Variants in FKBP6 observed in about 807,000 individuals in gnomAD.
FKBP6 encodes the protein FKBP prolyl isomerase family member 6 (inactive), also known as inactive peptidyl-prolyl cis-trans isomerase FKBP6.
FKBP6 carries 29 observed loss-of-function variants against 41.7 expected under a neutral mutation model. The ratio of observed to expected loss-of-function variants is 0.70; its 90% CI spans 0.52 to 0.95. FKBP6 has a LOEUF of 0.95. Among genes scored for constraint, FKBP6 ranks in the 40% least tolerant of loss-of-function variants. The pLI is 0.00. For synonymous variants in FKBP6, 130 were observed against 165.1 expected (o/e 0.79, Z 1.63); for missense variants, 338 against 408.7 (o/e 0.83, Z 1.49).
At chr7:73,341,073 G>A (rs969481021) in intron 6 of FKBP6, among the ~76,000 whole-genome samples, 200 bp from the exon 7 acceptor site, 4 of 151,916 alleles carry the variant, frequency 2.6e-5, no homozygotes, top group Admixed American at 2.6e-4. Flanking sequence ...ACAGGCATGC[G>A]CCATCACACC....
intron 5 of FKBP6, among the ~76,000 whole-genome samples, chr7:73,338,143 A>T (rs1805065137): frequency 6.6e-6 from 1 of 152,164 alleles, no homozygotes; most frequent in Non-Finnish European, 1.5e-5. Context: ...CTCCTGCCTC[A>T]GCCTCCCAAG....
chr7:73,341,332 G>C lies in FKBP6; in HGVS notation c.843G>C (p.Lys281Asn). The C allele has an allele frequency of 6.2e-7, 1 of 1,613,790 alleles. No individual in the cohort carries two copies. The highest frequency in any genetic ancestry group is 8.5e-7 in the Non-Finnish European group (1 of 1,179,688). Residue 281 changes from lysine to asparagine, a missense_variant, in exon 7 of 9, where the codon AAG becomes AAC. Lys to Asn is a moderately conservative substitution (Grantham distance 94, BLOSUM62 0). Transcript: ENST00000252037. ...GGGATTTTCTAGTTCGAGCCCAGAA[G>C]GAGCAACCCTTCAATCATGACATCA... ...KARDFLVRAQ[K>N]EQPFNHDINN...
chr7:73,334,173 T>C lies in FKBP6; in HGVS notation c.588+2397T>C, dbSNP rs533825706. Among the ~76,000 whole-genome samples the C allele has an allele frequency of 2.2e-4, 34 of 152,324 alleles. No homozygotes were observed. The South Asian group carries it at 6.6e-3, about 30-fold the overall frequency. On this transcript the variant is annotated intron_variant, in intron 5 of 8. Transcript: ENST00000252037. ...TTTATTCCTTTCTACGTGACCTGTT[T>C]TTTCTTCTGTAGAGACGAAGATCGT...
At position 73,328,835 on chromosome 7, in the gene FKBP6, G is replaced by A. The variant is rs115819412; in HGVS notation, c.175+143G>A. 2.5e-4 allele frequency: 366 copies of A among 1,439,914 alleles called. 2 individuals carry two copies. The African/African-American group carries it at 4.9e-3, about 19-fold the overall frequency. The allele number at this position is 1,439,914 out of a possible 1,614,324, so 89.2% of individuals were successfully genotyped here. ...TTTTGTTTTTTGTTTTTGAAACGGG[G>A]TCTTGCTCAGTTGCCCAGGCTGGAG... On this transcript the variant is annotated intron_variant, in intron 2 of 8. Transcript: ENST00000252037.
Position 73,329,382 on chromosome 7 carries a change from A to C in FKBP6, c.198A>C (p.Glu66Asp). The C allele has an allele frequency of 1.2e-6, 2 of 1,608,068 alleles. No individual in the cohort carries two copies. Among genetic ancestry groups the C allele is most frequent in the East Asian group, 4.5e-5 (2 of 44,872 alleles). ...SVLVKYSGYL[E>D]HMDRPFDSNY... is the part of the protein sequence containing the mutation. The stretch of plus-strand genomic sequence containing the variant: ...TAGTGAAATACTCGGGATACCTGGA[A>C]CACATGGACAGACCCTTCGATTCTA... The change falls in exon 3 of 9, where the codon GAA becomes GAC. Residue 66 changes from glutamate to aspartate, a missense_variant. Glu to Asp is a conservative substitution (Grantham distance 45). Around this residue, in one of 2 missense-constraint regions of FKBP6, gnomAD observed 99 missense variants for 158.6 expected, o/e 0.62. Coordinates refer to ENST00000252037, the MANE Select transcript of FKBP6 (RefSeq NM_003602.5).
intron 8 of FKBP6, among the ~76,000 whole-genome samples, chr7:73,357,269 G>GTTT (rs11430645): frequency 1.6e-3 from 152 of 96,796 alleles, no homozygotes; most frequent in East Asian, 2.1e-3. Flanking sequence ...GTTTGGTTTG[G>GTTT]TTTTTTTTTT....
At chr7:73,338,852 T>C (rs1440131338) in intron 5 of FKBP6, among the ~76,000 whole-genome samples, 1 of 152,250 alleles carries the variant, frequency 6.6e-6, no homozygotes, top group African/African-American at 2.4e-5. Flanking sequence ...TAAATGTTGC[T>C]GCTGTGCTCT....
At chr7:73,357,683 A>G (rs1437127139) in intron 8 of FKBP6, among the ~76,000 whole-genome samples, 1 of 151,558 alleles carries the variant, frequency 6.6e-6, no homozygotes, top group South Asian at 2.1e-4. Context: ...CTTTGGTTGT[A>G]TTGGGGTAGG....
chr7:73,342,068 A>C (rs1805207822), intron 7 of FKBP6, among the ~76,000 whole-genome samples: 2 of 151,756 alleles, frequency 1.3e-5, no homozygotes, highest in Non-Finnish European at 2.9e-5. Flanking sequence ...GTAGGTCCTC[A>C]TGTGACCAGA....
At chr7:73,334,936 G>A (rs1554548278) in intron 5 of FKBP6, among the ~76,000 whole-genome samples, 1 of 152,158 alleles carries the variant, frequency 6.6e-6, no homozygotes, top group East Asian at 1.9e-4. Flanking sequence ...CTCTGGCCTT[G>A]TAGTCCAAGA....
At chr7:73,356,467 T>C (rs1805636263) in intron 8 of FKBP6, among the ~76,000 whole-genome samples, 1 of 152,214 alleles carries the variant, frequency 6.6e-6, no homozygotes, top group Admixed American at 6.5e-5. Flanking sequence ...AGAGATTCCA[T>C]TCCGTCGCTT....
chr7:73,346,233 C>T (rs1805329259), intron 8 of FKBP6, among the ~76,000 whole-genome samples: 1 of 152,216 alleles, frequency 6.6e-6, no homozygotes, highest in East Asian at 1.9e-4. Context: ...GCCATGCCTG[C>T]CCTGCCCCGC....
At chr7:73,350,186 T>C (rs2115954564) in intron 8 of FKBP6, among the ~76,000 whole-genome samples, 1 of 152,296 alleles carries the variant, frequency 6.6e-6, no homozygotes, top group Admixed American at 6.5e-5. Flanking sequence ...CATGTAGCCA[T>C]GAATAAAGAG....
chr7:73,330,034 A>T, intron 3 of FKBP6, 116 bp from the exon 4 acceptor site: 1 of 755,566 alleles, frequency 1.3e-6, no homozygotes, highest in Non-Finnish European at 2.4e-6. Context: ...GGAAGAGGGA[A>T]CTGTGTGAGG....
At chr7:73,335,580 C>T (rs527953631) in intron 5 of FKBP6, among the ~76,000 whole-genome samples, 28 of 152,242 alleles carry the variant, frequency 1.8e-4, no homozygotes, top group African/African-American at 5.5e-4. Context: ...AAGGAGACCT[C>T]GTGATTGCTG....
rs544916536 is a variant in FKBP6, at chr7:73,333,938, G to C, written c.588+2162G>C. On this transcript the variant is annotated intron_variant, in intron 5 of 8. Transcript: ENST00000252037. ...AATACAAAAATTAGCTGGGCGTGTT[G>C]GTGGGTGCCCATAGTCCCAGCTACT... Among the ~76,000 whole-genome samples, 54 of 152,188 alleles carry C rather than the reference G, an allele frequency of 3.5e-4. No homozygotes were observed. The South Asian group carries it at 0.011, about 31-fold the overall frequency.
intron 2 of FKBP6, 108 bp from the exon 3 acceptor site, chr7:73,329,252 C>G (rs1804750333): frequency 1.1e-5 from 9 of 807,918 alleles, no homozygotes; most frequent in Non-Finnish European, 1.8e-5. Flanking sequence ...TGTCGGGCAG[C>G]TTAAGCTCAT....
chr7:73,350,848 T>C (rs1554551004), intron 8 of FKBP6, among the ~76,000 whole-genome samples: 2 of 151,908 alleles, frequency 1.3e-5, no homozygotes, highest in Non-Finnish European at 1.5e-5. Flanking sequence ...GGTTCCAAAA[T>C]AGCTTTCCTG....
At chr7:73,352,690 G>A (rs782715828) in intron 8 of FKBP6, among the ~76,000 whole-genome samples, 1 of 152,176 alleles carries the variant, frequency 6.6e-6, no homozygotes, top group African/African-American at 2.4e-5. Context: ...CAAGAATCCA[G>A]AGAAGGGTTT....
Sources: allele counts gnomAD v4.1 joint callset (sites outside exome capture counted in the v4.1 genomes callset), GRCh38; gene constraint gnomAD v4.1.1; regional missense constraint gnomAD v4.1.1; transcripts MANE v1.5; gene names NCBI Gene and HGNC (gene_info 2026-07-23, HGNC 2026-07-21).